Variants in ASTN2 observed in about 807,000 individuals in gnomAD.
ASTN2 encodes astrotactin 2, also known as astrotactin-2.
In ASTN2, 54 loss-of-function variants were observed where a neutral mutation model predicts 139.8. The observed-to-expected ratio is 0.39, with a 90% CI of 0.31 to 0.48. ASTN2 has a LOEUF of 0.48. ASTN2 is among the 20% of genes least tolerant of loss of function. The probability of loss-of-function intolerance (pLI) is 0.95; values close to 1 mark genes in which losing one functional copy is unlikely to be tolerated. For missense variants in ASTN2, 1,565 were observed against 1,725.1 expected (o/e 0.91, Z 1.64); for synonymous variants, 756 against 719.5 (o/e 1.05, Z -0.81).
At chr9:116,674,533 C>T (rs542900778) in intron 16 of ASTN2, among the ~76,000 whole-genome samples, 4 of 152,178 alleles carry the variant, frequency 2.6e-5, no homozygotes, top group Admixed American at 6.5e-5. Flanking sequence ...AGTAAACAAG[C>T]TATTTAGATA....
At chr9:117,333,280 T>G (rs1241694374) in intron 1 of ASTN2, among the ~76,000 whole-genome samples, 1 of 152,124 alleles carries the variant, frequency 6.6e-6, no homozygotes, top group Non-Finnish European at 1.5e-5. Context: ...CTGTGAGGTG[T>G]GCATGGCCGC....
intron 19 of ASTN2, chr9:116,579,198 A>G (rs1231391592): frequency 6.6e-6 from 1 of 152,204 alleles, no homozygotes; most frequent in East Asian, 1.9e-4. Flanking sequence ...AAATGGGGCA[A>G]TCAATGCCTG....
At chr9:116,801,951 G>C (rs1272107766) in intron 13 of ASTN2, among the ~76,000 whole-genome samples, 1 of 152,112 alleles carries the variant, frequency 6.6e-6, no homozygotes, top group African/African-American at 2.4e-5. Context: ...GGCAATCCAG[G>C]GTTGAGAAGT....
At chr9:116,960,172 G>A (rs115884095) in intron 10 of ASTN2, among the ~76,000 whole-genome samples, 2,575 of 152,162 alleles carry the variant, frequency 0.017, 73 homozygotes, top group African/African-American at 0.059. Flanking sequence ...ATGCTCCTCC[G>A]AGCCCTGCAG....
At chr9:116,664,379 C>T (rs1238109159) in intron 16 of ASTN2, among the ~76,000 whole-genome samples, 1 of 149,742 alleles carries the variant, frequency 6.7e-6, no homozygotes, top group Non-Finnish European at 1.5e-5. Flanking sequence ...CATGTCCAGC[C>T]CAGAGCACTG....
chr9:117,414,515 G>C lies in ASTN2; in HGVS notation c.424C>G (p.Leu142Val). Residue 142 changes from leucine to valine, a missense_variant, in exon 1 of 23, where the codon CTG becomes GTG. Physicochemically the swap from Leu to Val is conservative, Grantham distance 32. Transcript: ENST00000313400. The surrounding 1 kb of genome is among the most constrained non-coding windows in gnomAD (Gnocchi z 4.2). ...AVQDDLDNTE[L>V]PFFTLEMSGT... ...GCCTTACCCAGGGTGAAGAAGGGCAGCTCGGTGTTGTCCAGGTCGTCCTGC... is the reference window on the plus strand; with the variant it reads ...GCCTTACCCAGGGTGAAGAAGGGCACCTCGGTGTTGTCCAGGTCGTCCTGC... 1 of 1,609,058 alleles carries C rather than the reference G, an allele frequency of 6.2e-7. No homozygotes were observed. Among genetic ancestry groups the C allele is most frequent in the South Asian group, 1.1e-5 (1 of 90,966 alleles).
At chr9:116,964,216 G>GT (rs1554765645) in intron 10 of ASTN2, among the ~76,000 whole-genome samples, 1 of 140,708 alleles carries the variant, frequency 7.1e-6, no homozygotes, top group Admixed American at 7.0e-5. Flanking sequence ...ACTGCCCTGG[G>GT]GTGTGTGTGT....
intron 13 of ASTN2, among the ~76,000 whole-genome samples, chr9:116,746,083 CTTTTTT>C (rs745554164): frequency 8.0e-6 from 1 of 124,264 alleles, no homozygotes; most frequent in Non-Finnish European, 1.7e-5. Flanking sequence ...AAACTGAGTA[CTTTTTT>C]TTTTTTTTTT....
rs751543207 is a variant in ASTN2, at chr9:117,214,538, C to A, written c.835G>T (p.Val279Phe). The A allele has an allele frequency of 6.2e-7, 1 of 1,613,742 alleles. No homozygotes were observed. Among genetic ancestry groups the A allele is most frequent in the East Asian group, 2.2e-5 (1 of 44,852 alleles). Reference protein sequence around the residue: ...RSSRLQTHNSVIGVPIRETPI... With the variant: ...RSSRLQTHNSFIGVPIRETPI... ...GTCTCCCGGATGGGCACGCCAATGA[C>A]GGAATTGTGGGTTTGCAGCCGGGAT... Residue 279 changes from valine (V) to phenylalanine (F), a missense_variant, in exon 3 of 23, where the codon GTC becomes TTC. Physicochemically the swap from Val to Phe is conservative, Grantham distance 50 (BLOSUM62 -1). Around this residue, in one of 4 missense-constraint regions of ASTN2, gnomAD observed 596 missense variants for 576.8 expected, o/e 1.03. Transcript: ENST00000313400.
chr9:116,985,827 C>T (rs1290693844), intron 7 of ASTN2, among the ~76,000 whole-genome samples: 2 of 152,232 alleles, frequency 1.3e-5, no homozygotes, highest in African/African-American at 2.4e-5. Context: ...CCTCACTGCA[C>T]GCCAGAGCCC....
intron 7 of ASTN2, among the ~76,000 whole-genome samples, chr9:117,002,428 A>G (rs1028071949): frequency 3.3e-5 from 5 of 152,122 alleles, no homozygotes; most frequent in African/African-American, 1.2e-4. Flanking sequence ...ATGTTTGGGG[A>G]ATAATTGTGA....
intron 19 of ASTN2, among the ~76,000 whole-genome samples, chr9:116,511,953 A>C (rs1306701078): frequency 1.3e-5 from 2 of 152,104 alleles, no homozygotes; most frequent in African/African-American, 4.8e-5. Context: ...TCAAAAAACA[A>C]GCTCCTGGAT....
At chr9:116,829,675 C>CA (rs1435344554) in intron 11 of ASTN2, among the ~76,000 whole-genome samples, 2 of 152,156 alleles carry the variant, frequency 1.3e-5, no homozygotes, top group Non-Finnish European at 2.9e-5. Flanking sequence ...ATTGCAAGAA[C>CA]AGCAAGGGGA....
At chr9:116,971,323 C>A (rs572719733) in intron 10 of ASTN2, among the ~76,000 whole-genome samples, 44 of 152,294 alleles carry the variant, frequency 2.9e-4, no homozygotes, top group African/African-American at 1.1e-3. Flanking sequence ...ACCCCTCACA[C>A]TTGAAAGCCT....
chr9:116,586,942 C>T (rs564374799), intron 19 of ASTN2, among the ~76,000 whole-genome samples: 3 of 151,906 alleles, frequency 2.0e-5, no homozygotes, highest in Non-Finnish European at 4.4e-5. Flanking sequence ...AGAGAGGAGC[C>T]ACGCTCTCAA....
chr9:116,759,514 C>A (rs1032378520), intron 13 of ASTN2, among the ~76,000 whole-genome samples: 2 of 152,108 alleles, frequency 1.3e-5, no homozygotes, highest in Non-Finnish European at 2.9e-5. Context: ...CAACCATGCT[C>A]TTCTCTTCTG....
chr9:117,267,970 T>C (rs535939450), intron 2 of ASTN2, among the ~76,000 whole-genome samples: 1 of 152,328 alleles, frequency 6.6e-6, no homozygotes, highest in Admixed American at 6.5e-5. Context: ...TATGTGGACA[T>C]AAACAATGCC....
At chr9:116,845,320 C>T (rs879371284) in intron 11 of ASTN2, among the ~76,000 whole-genome samples, 2 of 152,096 alleles carry the variant, frequency 1.3e-5, no homozygotes, top group Non-Finnish European at 2.9e-5. Flanking sequence ...GGGGTTTCAC[C>T]GTGTTAACCA....
intron 16 of ASTN2, among the ~76,000 whole-genome samples, chr9:116,713,821 T>C (rs1268109142): frequency 6.6e-6 from 1 of 152,128 alleles, no homozygotes; most frequent in African/African-American, 2.4e-5. Flanking sequence ...TTAAATGAAA[T>C]TGTGCATGTG....
Sources: gnomAD v4.1 joint callset for allele counts (sites outside exome capture counted in the v4.1 genomes callset) on GRCh38, gnomAD v4.1.1 for gene constraint, gnomAD v4.1.1 regional missense constraint, Gnocchi (gnomAD v3.1) non-coding constraint, MANE v1.5 for transcripts, NCBI Gene and HGNC (gene_info 2026-07-23, HGNC 2026-07-21) for gene names.